Variants in RPS29 observed in about 807,000 individuals in gnomAD.
The protein encoded by RPS29 is ribosomal protein S29, also known as small ribosomal subunit protein uS14.
For synonymous variants in RPS29, 37 were observed against 26.9 expected (o/e 1.37, Z -1.16); for missense variants, 60 against 75.7 (o/e 0.79, Z 0.77).
chr14:49,583,534 C>A (rs1436225981), downstream of RPS29: 4 of 886,428 alleles, frequency 4.5e-6, no homozygotes, highest in African/African-American at 3.5e-5. Flanking sequence ...TTTCTATAAA[C>A]AATTAGCTAT....
At chr14:49,580,636 C>A (rs540438013), downstream of RPS29, among the ~76,000 whole-genome samples, 1 of 152,298 alleles carries the variant, frequency 6.6e-6, no homozygotes, top group African/African-American at 2.4e-5. Flanking sequence ...CTTTGGGAGG[C>A]TGAGGTGGGT....
downstream of RPS29, among the ~76,000 whole-genome samples, chr14:49,582,482 T>G (rs539068157): frequency 6.6e-6 from 1 of 152,230 alleles, no homozygotes; most frequent in Non-Finnish European, 1.5e-5. Context: ...CCTCAACATC[T>G]AGCACATATA....
At chr14:49,575,396 AGAAG>A (rs1881153293) in exon 3 of RPS29, 3 of 152,252 alleles carry the variant, frequency 2.0e-5, no homozygotes, top group Admixed American at 1.3e-4. Flanking sequence ...GGTGAGTGAC[AGAAG>A]GAAGGGGAAG....
chr14:49,592,023 G>A (rs573723232), intron 1 of RPS29, among the ~76,000 whole-genome samples: 1 of 152,114 alleles, frequency 6.6e-6, no homozygotes, highest in East Asian at 1.9e-4. Flanking sequence ...ATCTTTATCT[G>A]GGAACTTTTT....
chr14:49,571,759 G>A (rs1020764614), exon 3 of RPS29: 1 of 152,138 alleles, frequency 6.6e-6, no homozygotes, highest in Non-Finnish European at 1.5e-5. Context: ...CACAATGCAG[G>A]ACATGAAAGC....
At position 49,586,362 on chromosome 14, in the gene RPS29, G is replaced by T. The variant is rs757565561; in HGVS notation, c.-16C>A. The T allele has an allele frequency of 6.2e-7, 1 of 1,613,146 alleles. No homozygotes were observed. Among genetic ancestry groups the T allele is most frequent in the East Asian group, 2.2e-5 (1 of 44,884 alleles). On this transcript the variant is annotated 5_prime_UTR_variant, in exon 1 of 3. Transcript: ENST00000245458. ...GGTGACCCATCTTGCTCTCAGCAGT[G>T]CAACGAGGTAAAAGGAAGAAGCTGG...
chr14:49,593,642 G>A (rs957340671), intron 1 of RPS29, among the ~76,000 whole-genome samples: 6 of 123,076 alleles, frequency 4.9e-5, no homozygotes, highest in South Asian at 2.7e-4. Context: ...GCAATGAGCC[G>A]AGATCACGGC....
chr14:49,581,794 C>G (rs536736730), downstream of RPS29, among the ~76,000 whole-genome samples: 3 of 151,888 alleles, frequency 2.0e-5, no homozygotes, highest in Non-Finnish European at 4.4e-5. Flanking sequence ...TTTGAGAGAC[C>G]AAGGCGGGCT....
At chr14:49,586,432 T>G (rs953561804), upstream of RPS29, 2 of 1,224,028 alleles carry the variant, frequency 1.6e-6, no homozygotes, top group Non-Finnish European at 2.4e-6. Flanking sequence ...TTACCCAGAA[T>G]GCAGTGCTCA....
At chr14:49,584,822 T>A (rs926625322) in intron 2 of RPS29, among the ~76,000 whole-genome samples, 2 of 151,736 alleles carry the variant, frequency 1.3e-5, no homozygotes, top group African/African-American at 2.4e-5. Context: ...AAATAATTGA[T>A]CAGAAAGCTG....
downstream of RPS29, among the ~76,000 whole-genome samples, chr14:49,583,014 ATT>A (rs959702750): frequency 6.6e-6 from 1 of 152,084 alleles, no homozygotes; most frequent in African/African-American, 2.4e-5. Flanking sequence ...TCCTTAAAAC[ATT>A]TTTTTCTTTA....
exon 3 of RPS29, chr14:49,573,780 T>C (rs967269572): frequency 2.6e-5 from 4 of 152,192 alleles, no homozygotes; most frequent in African/African-American, 9.6e-5. Flanking sequence ...ATGTCATCTG[T>C]GCTAGAGGCT....
In RPS29 at chr14:49,586,331, G is replaced by C. The variant is rs1881553410; in HGVS notation, c.16C>G (p.Leu6Val). The stretch of plus-strand genomic sequence containing the variant: ...AATTTTCGCGGGTGGCTCCAGTACA[G>C]CTGCTGGTGACCCATCTTGCTCTCA... MGHQQ[L>V]YWSHPRKFGQ... is the part of the protein sequence containing the mutation. The change falls in exon 1 of 3, where the codon CTG (leucine) becomes GTG (valine). Residue 6 changes from leucine to valine, a missense_variant. Coordinates refer to ENST00000245458, the MANE Select transcript of RPS29 (RefSeq NM_001032.5). The C allele has an allele frequency of 1.2e-6, 2 of 1,613,950 alleles. No homozygotes were observed. The highest frequency in any genetic ancestry group is 1.7e-6 in the Non-Finnish European group (2 of 1,179,798).
chr14:49,576,001 C>T (rs1594565872), exon 3 of RPS29: 1 of 152,162 alleles, frequency 6.6e-6, no homozygotes, highest in Non-Finnish European at 1.5e-5. Flanking sequence ...CACACATAAT[C>T]TAGGCTAATT....
chr14:49,598,560 C>T (rs1438527211), exon 1 of RPS29: 2 of 702,220 alleles, frequency 2.8e-6, no homozygotes, highest in African/African-American at 3.5e-5. Flanking sequence ...TACGGGGCCA[C>T]TCAGACAGTT....
At chr14:49,583,022 C>A (rs1359491519), downstream of RPS29, among the ~76,000 whole-genome samples, 1 of 152,068 alleles carries the variant, frequency 6.6e-6, no homozygotes, top group African/African-American at 2.4e-5. Context: ...ACATTTTTTT[C>A]TTTAAAGAGA....
intron 1 of RPS29, 93 bp downstream of exon 1, chr14:49,586,192 C>A (rs1262937611): frequency 6.9e-7 from 1 of 1,446,628 alleles, no homozygotes; most frequent in African/African-American, 1.4e-5. Flanking sequence ...TCGGCGTGCT[C>A]CCTCGTGCCG....
chr14:49,596,037 G>T (rs1881815245), intron 1 of RPS29, among the ~76,000 whole-genome samples: 1 of 136,038 alleles, frequency 7.4e-6, no homozygotes, highest in Admixed American at 7.4e-5. Flanking sequence ...GGGAGGGAGG[G>T]AGGGAGGGAA....
At chr14:49,575,153 G>C (rs1305083597) in exon 3 of RPS29, 1 of 152,360 alleles carries the variant, frequency 6.6e-6, no homozygotes, top group Non-Finnish European at 1.5e-5. Flanking sequence ...CCATTCTCCT[G>C]CCTCAGCCTC....
Sources: allele counts gnomAD v4.1 joint callset (sites outside exome capture counted in the v4.1 genomes callset), GRCh38; gene constraint gnomAD v4.1.1; transcripts MANE v1.5; gene names NCBI Gene and HGNC (gene_info 2026-07-23, HGNC 2026-07-21).